AUTS2: variants seen among roughly 807,000 people sequenced by gnomAD.
AUTS2 encodes autism susceptibility gene 2 protein.
AUTS2 carries 17 observed loss-of-function variants against 112.4 expected under a neutral mutation model. That is an observed-to-expected ratio of 0.15 (90% CI 0.10 to 0.23). The LOEUF is 0.23. Ranked by LOEUF, AUTS2 falls within the 10% of genes least tolerant of loss-of-function variation. The pLI is 1.00. For synonymous variants in AUTS2, 751 were observed against 702.7 expected (o/e 1.07, Z -1.09); for missense variants, 1,510 against 1,701.6 (o/e 0.89, Z 1.98).
chr7:69,921,640 G>A (rs535687616), intron 2 of AUTS2, among the ~76,000 whole-genome samples: 52 of 151,410 alleles, frequency 3.4e-4, no homozygotes, highest in Non-Finnish European at 5.2e-4. Flanking sequence ...GCTTGGTGGT[G>A]TGTGCCTATA....
intron 1 of AUTS2, among the ~76,000 whole-genome samples, chr7:69,881,476 G>A (rs576172000): frequency 6.6e-6 from 1 of 151,832 alleles, no homozygotes; most frequent in African/African-American, 2.4e-5. Context: ...TTTTCTTTTT[G>A]GAAATGGACA....
intron 5 of AUTS2, among the ~76,000 whole-genome samples, chr7:70,590,840 G>C (rs7796916): frequency 6.6e-6 from 1 of 151,944 alleles, no homozygotes; most frequent in South Asian, 2.1e-4. Context: ...GGCCTTTTTC[G>C]TGTTGTTTTC....
intron 1 of AUTS2, among the ~76,000 whole-genome samples, chr7:69,696,233 C>A (rs192975779): frequency 6.6e-6 from 1 of 152,268 alleles, no homozygotes; most frequent in Admixed American, 6.5e-5. Context: ...GACCTCTGTT[C>A]TTCCCTTTTT....
At chr7:70,468,033 G>A (rs1415923671) in intron 5 of AUTS2, among the ~76,000 whole-genome samples, 3 of 152,290 alleles carry the variant, frequency 2.0e-5, no homozygotes, top group Non-Finnish European at 2.9e-5. Context: ...GCTTGAGGCC[G>A]AAGGAGGGCA....
chr7:70,396,886 G>C (rs1794109042), intron 4 of AUTS2, among the ~76,000 whole-genome samples: 1 of 152,124 alleles, frequency 6.6e-6, no homozygotes, highest in East Asian at 1.9e-4. Flanking sequence ...TCTTAAGGAA[G>C]TATCTAGGAG....
At chr7:70,653,171 C>T (rs1585445088) in intron 5 of AUTS2, among the ~76,000 whole-genome samples, 1 of 152,266 alleles carries the variant, frequency 6.6e-6, no homozygotes, top group East Asian at 1.9e-4. Context: ...AGGAGGATTG[C>T]TTTCGAGGCT....
chr7:69,941,861 AAATGCT>A (rs1796638978), intron 2 of AUTS2, among the ~76,000 whole-genome samples: 1 of 152,204 alleles, frequency 6.6e-6, no homozygotes, highest in African/African-American at 2.4e-5. Context: ...TGGTTAGATT[AAATGCT>A]ATCTTCCTGA....
chr7:70,624,525 C>T (rs1045444931), intron 5 of AUTS2, among the ~76,000 whole-genome samples: 23 of 151,934 alleles, frequency 1.5e-4, no homozygotes, highest in African/African-American at 5.3e-4. Context: ...TTTTCAGGTC[C>T]CCACATTTGA....
At chr7:69,778,081 G>A (rs891729362) in intron 1 of AUTS2, among the ~76,000 whole-genome samples, 2 of 152,052 alleles carry the variant, frequency 1.3e-5, no homozygotes, top group African/African-American at 2.4e-5. Context: ...TGTGTAATTG[G>A]AAAGGTAAAA....
chr7:69,687,779 C>G (rs1243768033), intron 1 of AUTS2, among the ~76,000 whole-genome samples: 1 of 152,248 alleles, frequency 6.6e-6, no homozygotes, highest in Admixed American at 6.5e-5. Flanking sequence ...ATTTACCAAC[C>G]CTCTTAAACC....
At chr7:70,276,876 A>G (rs1052214591) in intron 4 of AUTS2, among the ~76,000 whole-genome samples, 4 of 152,186 alleles carry the variant, frequency 2.6e-5, no homozygotes, top group Non-Finnish European at 4.4e-5. Context: ...AAAAGAGTTT[A>G]TCAGACTGAG....
At position 70,579,852 on chromosome 7, in the gene AUTS2, C is replaced by T. The variant is rs192800229; in HGVS notation, c.691-118717C>T. ...TGGGAGATTGGCTGGAGCAGGAAGTCGGGGAGAATCTGCCCCTAAGCCACC... is the reference window on the plus strand; with the variant it reads ...TGGGAGATTGGCTGGAGCAGGAAGTTGGGGAGAATCTGCCCCTAAGCCACC... On this transcript the variant is annotated intron_variant, in intron 5 of 18. Coordinates refer to ENST00000342771, the MANE Select transcript of AUTS2 (RefSeq NM_015570.4). Among the ~76,000 whole-genome samples the T allele has an allele frequency of 1.2e-3, 184 of 152,224 alleles. 2 individuals carry two copies. Among genetic ancestry groups the T allele is most frequent in the African/African-American group, 4.2e-3 (176 of 41,544 alleles).
At chr7:69,983,008 T>A (rs1489749727) in intron 2 of AUTS2, among the ~76,000 whole-genome samples, 2 of 152,204 alleles carry the variant, frequency 1.3e-5, no homozygotes, top group African/African-American at 4.8e-5. Context: ...TTAGTGTTAG[T>A]GGCCAGAAGG....
chr7:70,153,969 A>G (rs1215274329), intron 4 of AUTS2, among the ~76,000 whole-genome samples: 1 of 152,204 alleles, frequency 6.6e-6, no homozygotes, highest in African/African-American at 2.4e-5. Flanking sequence ...ACCAGATTGA[A>G]TTACTTCATT....
intron 4 of AUTS2, among the ~76,000 whole-genome samples, chr7:70,361,752 G>A (rs963470975): frequency 2.6e-5 from 4 of 152,152 alleles, no homozygotes; most frequent in Non-Finnish European, 5.9e-5. Flanking sequence ...ATGCTCTCTG[G>A]TTGAACTGAT....
chr7:70,314,173 CTCTT>C (rs1359683749), intron 4 of AUTS2, among the ~76,000 whole-genome samples: 3 of 152,198 alleles, frequency 2.0e-5, no homozygotes, highest in African/African-American at 7.2e-5. Flanking sequence ...TTGTCTCTCT[CTCTT>C]TCCCTGCCAT....
At chr7:70,116,826 C>T (rs1194467310) in intron 2 of AUTS2, among the ~76,000 whole-genome samples, 2 of 152,122 alleles carry the variant, frequency 1.3e-5, no homozygotes, top group African/African-American at 2.4e-5. Flanking sequence ...ACATGTATTT[C>T]CTTGTGGTGT....
chr7:70,603,735 G>A (rs1468359706), intron 5 of AUTS2, among the ~76,000 whole-genome samples: 1 of 152,192 alleles, frequency 6.6e-6, no homozygotes, highest in Non-Finnish European at 1.5e-5. Context: ...GAGCAACAGG[G>A]AAAATACTTT....
intron 4 of AUTS2, among the ~76,000 whole-genome samples, chr7:70,356,445 G>A (rs1792012572): frequency 6.6e-6 from 1 of 152,198 alleles, no homozygotes. Flanking sequence ...AGCAAAACTA[G>A]ATGGAACCTA....
Sources: allele counts gnomAD v4.1 joint callset (sites outside exome capture counted in the v4.1 genomes callset), GRCh38; gene constraint gnomAD v4.1.1; transcripts MANE v1.5; gene names NCBI Gene and HGNC (gene_info 2026-07-23, HGNC 2026-07-21).